MEPE: variants seen among roughly 807,000 people sequenced by gnomAD.
The protein encoded by MEPE is matrix extracellular phosphoglycoprotein.
In MEPE, 7 loss-of-function variants were observed where a neutral mutation model predicts 7.3. That is an observed-to-expected ratio of 0.95 (90% CI 0.54 to 1.79). MEPE has a LOEUF of 1.79. Ranked by LOEUF, MEPE falls within the 40% of genes most tolerant of loss-of-function variation. MEPE has a pLI of 0.00. For missense variants in MEPE, 623 were observed against 628.2 expected, an observed-to-expected ratio of 0.99 and a Z score of 0.09; for synonymous variants, 214 against 213.1, an observed-to-expected ratio of 1.00 and a Z score of -0.04.
chr4:87,837,492 T>C (rs998448045), intron 2 of MEPE: 1 of 152,252 alleles, frequency 6.6e-6, no homozygotes, highest in African/African-American at 2.4e-5. Flanking sequence ...GCATTCCCAA[T>C]ATCTTAGTGC....
intron 1 of MEPE, among the ~76,000 whole-genome samples, chr4:87,827,390 T>C (rs1722497353): frequency 1.3e-5 from 2 of 152,070 alleles, no homozygotes; most frequent in Non-Finnish European, 2.9e-5. Context: ...GATAACACAA[T>C]GCAGATAAAC....
upstream of MEPE, among the ~76,000 whole-genome samples, chr4:87,831,209 C>A (rs890475906): frequency 1.3e-5 from 2 of 152,076 alleles, no homozygotes; most frequent in Non-Finnish European, 2.9e-5. Flanking sequence ...AGAGAGCAGG[C>A]AATCGCACTG....
At chr4:87,822,192 C>T (rs1722354545) in intron 1 of MEPE, among the ~76,000 whole-genome samples, 1 of 152,166 alleles carries the variant, frequency 6.6e-6, no homozygotes, top group South Asian at 2.1e-4. Context: ...CCACTCAACA[C>T]TCAGTGCTTA....
intron 3 of MEPE, among the ~76,000 whole-genome samples, chr4:87,841,800 T>G (rs1723025312): frequency 6.6e-6 from 1 of 152,162 alleles, no homozygotes; most frequent in Admixed American, 6.5e-5. Context: ...ACTTGGGCAA[T>G]TCAAGAGCAG....
intron 1 of MEPE, among the ~76,000 whole-genome samples, chr4:87,821,707 T>C (rs924009033): frequency 6.6e-6 from 1 of 152,138 alleles, no homozygotes; most frequent in African/African-American, 2.4e-5. Context: ...CCACCTAGCC[T>C]CGTGATGACA....
At chr4:87,844,700 T>C (rs1723142936) in intron 3 of MEPE, among the ~76,000 whole-genome samples, 1 of 152,160 alleles carries the variant, frequency 6.6e-6, no homozygotes, top group African/African-American at 2.4e-5. Flanking sequence ...TGTGTCCTGT[T>C]TCCAAACAAT....
chr4:87,845,247 G>C lies in MEPE; in HGVS notation c.379G>C (p.Glu127Gln). ...YPKSTGNKGF[E>Q]DGDDAISKLH... ...TAAGTCAACTGGGAATAAAGGGTTT[G>C]AGGATGGAGATGATGCTATCAGCAA... The change falls in exon 4 of 4, where the codon GAG becomes CAG. Residue 127 changes from glutamate to glutamine, a missense_variant. Coordinates refer to ENST00000361056, the MANE Select transcript of MEPE (RefSeq NM_020203.6). 1 of 1,614,058 alleles carries C rather than the reference G, an allele frequency of 6.2e-7. No homozygotes were observed. The highest frequency in any genetic ancestry group is 1.3e-5 in the African/African-American group (1 of 75,032).
At chr4:87,829,068 G>C (rs1722538182), upstream of MEPE, among the ~76,000 whole-genome samples, 1 of 152,084 alleles carries the variant, frequency 6.6e-6, no homozygotes, top group Non-Finnish European at 1.5e-5. Flanking sequence ...TTGAGTTTTT[G>C]AAGTTCAATT....
In MEPE at chr4:87,846,049, C is replaced by G. The variant is rs776838991; in HGVS notation, c.1181C>G (p.Thr394Ser). Reference protein sequence around the residue: ...KEGSSDAAESTNYNEIPKNGK... With the variant: ...KEGSSDAAESSNYNEIPKNGK... ...GGCAGTAGTGATGCAGCTGAAAGTA[C>G]CAACTATAATGAAATTCCTAAAAAT... The change falls in exon 4 of 4, where the codon ACC becomes AGC. Residue 394 changes from threonine (T) to serine (S), a missense_variant. Physicochemically the swap from Thr to Ser is moderately conservative, Grantham distance 58. Coordinates refer to ENST00000361056, the MANE Select transcript of MEPE (RefSeq NM_020203.6). 1.9e-6 allele frequency: 3 copies of G among 1,613,844 alleles called. No individual in the cohort carries two copies. Among genetic ancestry groups the G allele is most frequent in the Admixed American group, 3.3e-5 (2 of 59,968 alleles).
At position 87,836,410 on chromosome 4, in the gene MEPE, CAT is replaced by C. The variant is rs1491410347; in HGVS notation, c.54+1645_54+1646del. Among the ~76,000 whole-genome samples, 30 of 145,366 alleles carry C rather than the reference CAT, an allele frequency of 2.1e-4. 1 individual carries two copies. The East Asian group carries it at 5.3e-3, about 25-fold the overall frequency. On this transcript the variant is annotated intron_variant, in intron 2 of 3. Transcript: ENST00000361056. ...TATATTGTCAAGTATGTTTCTAATC[CAT>C]ATGTGTGTGTGTGTGTGTGTTCTGT...
Position 87,845,531 on chromosome 4 carries a change from C to G in MEPE, c.663C>G (p.Asp221Glu). 1.9e-6 allele frequency: 3 copies of G among 1,612,086 alleles called. No individual in the cohort carries two copies. The highest frequency in any genetic ancestry group is 2.5e-6 in the Non-Finnish European group (3 of 1,179,504). ...CCCATCGTATTCAACACAACATTGA[C>G]TACCTAAAACATCTCTCAAAAGTCA... ...KSTHRIQHNI[D>E]YLKHLSKVKK... The change falls in exon 4 of 4, where the codon GAC becomes GAG. Residue 221 changes from aspartate (D) to glutamate (E), a missense_variant. Physicochemically the swap from Asp to Glu is conservative, Grantham distance 45. Coordinates refer to ENST00000361056, the MANE Select transcript of MEPE (RefSeq NM_020203.6).
chr4:87,827,283 T>C (rs1002001131), intron 1 of MEPE, among the ~76,000 whole-genome samples: 11 of 152,276 alleles, frequency 7.2e-5, no homozygotes, highest in African/African-American at 2.2e-4. Flanking sequence ...GTGGTATGTT[T>C]ATAGCAACAG....
chr4:87,845,362 G>A lies in MEPE; in HGVS notation c.494G>A (p.Gly165Glu). 6 of 1,613,826 alleles carry A rather than the reference G, an allele frequency of 3.7e-6. No homozygotes were observed. Among genetic ancestry groups the A allele is most frequent in the Non-Finnish European group, 5.1e-6 (6 of 1,179,918 alleles). Residue 165 changes from glycine (G) to glutamate (E), a missense_variant, in exon 4 of 4, where the codon GGG becomes GAG. Transcript: ENST00000361056. Reference sequence around the variant, plus strand: ...CCAGTGACTGCGATTAAACTCCTGGGGGAAGAAAACAAAGAGAACACACCT... The same window carrying A: ...CCAGTGACTGCGATTAAACTCCTGGAGGAAGAAAACAAAGAGAACACACCT... ...MGPVTAIKLL[G>E]EENKENTPRN...
rs1578064402 is a variant in MEPE at position 87,845,280 on chromosome 4, G to A, written c.412G>A (p.Asp138Asn). 8 of 1,613,984 alleles carry A rather than the reference G, an allele frequency of 5.0e-6. No homozygotes were observed. The highest frequency in any genetic ancestry group is 6.8e-6 in the Non-Finnish European group (8 of 1,179,966). ...AGATGATGCTATCAGCAAACTACAT[G>A]ACCAAGAAGAATATGGCGCAGCTCT... Reference protein sequence around the residue: ...DGDDAISKLHDQEEYGAALIR... With the variant: ...DGDDAISKLHNQEEYGAALIR... The change falls in exon 4 of 4, where the codon GAC becomes AAC. Residue 138 changes from aspartate (D) to asparagine (N), a missense_variant. Coordinates refer to ENST00000361056, the MANE Select transcript of MEPE (RefSeq NM_020203.6).
intron 2 of MEPE, 126 bp downstream of exon 2, chr4:87,834,894 G>A: frequency 1.3e-6 from 1 of 760,566 alleles, no homozygotes; most frequent in African/African-American, 1.8e-5. Context: ...AAAGAACCAA[G>A]CAAACAGAAA....
chr4:87,831,537 G>T (rs1483870788), upstream of MEPE, among the ~76,000 whole-genome samples: 1 of 152,040 alleles, frequency 6.6e-6, no homozygotes, highest in Non-Finnish European at 1.5e-5. Flanking sequence ...CCGCACTCAG[G>T]TTCAAGCCTC....
At chr4:87,837,355 C>CG (rs144563252) in intron 2 of MEPE, among the ~76,000 whole-genome samples, 3,768 of 152,174 alleles carry the variant, frequency 0.025, 171 homozygotes, top group African/African-American at 0.086. Context: ...TCCTTCCCCC[C>CG]CTCCAGACTC....
chr4:87,845,394 G>A lies in MEPE; in HGVS notation c.526G>A (p.Val176Ile). The change falls in exon 4 of 4, where the codon GTT becomes ATT. Residue 176 changes from valine (V) to isoleucine (I), a missense_variant. Physicochemically the swap from Val to Ile is conservative, Grantham distance 29. Transcript: ENST00000361056. ...EENKENTPRN[V>I]LNIIPASMNY... ...AAACAAAGAGAACACACCTAGGAAT[G>A]TTCTAAACATAATCCCAGCAAGTAT... 1.9e-6 allele frequency: 3 copies of A among 1,613,994 alleles called. No homozygotes were observed. The highest frequency in any genetic ancestry group is 2.5e-6 in the Non-Finnish European group (3 of 1,179,966).
chr4:87,838,739 G>C, intron 3 of MEPE, 54 bp downstream of exon 3: 1 of 1,505,060 alleles, frequency 6.6e-7, no homozygotes, highest in Non-Finnish European at 9.2e-7. Flanking sequence ...TAAAGAAAAA[G>C]TCAGTAAGAG....
Sources: allele counts gnomAD v4.1 joint callset (sites outside exome capture counted in the v4.1 genomes callset), GRCh38; gene constraint gnomAD v4.1.1; transcripts MANE v1.5; gene names NCBI Gene and HGNC (gene_info 2026-07-23, HGNC 2026-07-21).